Variants in GDAP2 observed in about 807,000 individuals in gnomAD.
GDAP2 encodes ganglioside induced differentiation associated protein 2.
Under a neutral mutation model 67.0 loss-of-function variants are expected in GDAP2, and 51 were observed. That is an observed-to-expected ratio of 0.76 (90% confidence interval 0.61 to 0.96). The LOEUF is 0.96. GDAP2 is among the 40% of genes least tolerant of loss of function. The pLI is 0.00. For missense variants in GDAP2, 547 were observed against 588.3 expected, an observed-to-expected ratio of 0.93 and a Z score of 0.73; for synonymous variants, 203 against 207.3, an observed-to-expected ratio of 0.98 and a Z score of 0.18.
At chr1:117,923,170 G>C (rs1027195695) in intron 1 of GDAP2, among the ~76,000 whole-genome samples, 1 of 152,154 alleles carries the variant, frequency 6.6e-6, no homozygotes, top group Non-Finnish European at 1.5e-5. Flanking sequence ...AAGGTGCCCA[G>C]ATTTCATATT....
chr1:117,899,055 A>C lies in GDAP2; in HGVS notation c.796+2T>G, dbSNP rs1159688877. 6.2e-7 allele frequency: 1 copy of C among 1,611,132 alleles called. No individual in the cohort carries two copies. The highest frequency in any genetic ancestry group is 8.5e-7 in the Non-Finnish European group (1 of 1,177,498). ...TTAAAAAGTTAGAGCTCTAGAACTC[A>C]CCTTCTGGAGCACCAGGTTTCTCAC... On this transcript the variant is annotated splice_donor_variant, in intron 7 of 13. Coordinates refer to ENST00000369443, the MANE Select transcript of GDAP2 (RefSeq NM_017686.4). LOFTEE classifies it high-confidence loss of function.
chr1:117,896,976 C>G lies in GDAP2; in HGVS notation c.810G>C (p.Glu270Asp). The change falls in exon 8 of 14, where the codon GAG becomes GAC. Residue 270 changes from glutamate to aspartate, a missense_variant. Transcript: ENST00000369443. ...KPGAPEDNQE[E>D]EDEGLGVDLS... is the part of the protein sequence containing the mutation. ...GATCAACTCCCAAGCCTTCATCCTC[C>G]TCTTCTTGGTTATCTGTAACAAAAA... 6.2e-7 allele frequency: 1 copy of G among 1,604,084 alleles called. No homozygotes were observed. The highest frequency in any genetic ancestry group is 8.5e-7 in the Non-Finnish European group (1 of 1,174,658).
At chr1:117,880,947 A>T (rs1189228844) in intron 12 of GDAP2, among the ~76,000 whole-genome samples, 1 of 152,220 alleles carries the variant, frequency 6.6e-6, no homozygotes. Context: ...AAATGTGTTC[A>T]TTAAGATGGA....
Position 117,883,934 on chromosome 1 carries a change from A to C in GDAP2, c.1108-307T>G, listed in dbSNP as rs371101204. ...AAACAATTCTTCATATACTGGAAAAAGTTCTTGGATCAACTACCAGGTTTT... is the reference window on the plus strand; with the variant it reads ...AAACAATTCTTCATATACTGGAAAACGTTCTTGGATCAACTACCAGGTTTT... On this transcript the variant is annotated intron_variant, in intron 10 of 13. Transcript: ENST00000369443. Among the ~76,000 whole-genome samples, 41 of 152,310 alleles carry C rather than the reference A, an allele frequency of 2.7e-4. No individual in the cohort carries two copies. In the East Asian group the frequency reaches 3.7e-3, roughly 14 times the overall value.
Position 117,896,826 on chromosome 1 carries a change from G to A in GDAP2, c.953+7C>T. 1.9e-6 allele frequency: 3 copies of A among 1,605,420 alleles called. No individual in the cohort carries two copies. The highest frequency in any genetic ancestry group is 1.7e-5 in the Admixed American group (1 of 59,090). The stretch of plus-strand genomic sequence containing the variant: ...ATGTATCTAACAGTCCTGAAGGGTT[G>A]TCTTACTTTCTTTGATGCTGCTTCT... On this transcript the variant is annotated splice_region_variant and intron_variant, in intron 8 of 13. Coordinates refer to ENST00000369443, the MANE Select transcript of GDAP2 (RefSeq NM_017686.4).
intron 9 of GDAP2, among the ~76,000 whole-genome samples, chr1:117,887,358 G>A (rs1252274442): frequency 1.3e-5 from 2 of 152,150 alleles, no homozygotes; most frequent in Non-Finnish European, 2.9e-5. Flanking sequence ...AATGCAGAAA[G>A]AGTGGGAATC....
intron 6 of GDAP2, among the ~76,000 whole-genome samples, chr1:117,900,592 C>T (rs1649417694): frequency 6.6e-6 from 1 of 151,936 alleles, no homozygotes; most frequent in Admixed American, 6.6e-5. Context: ...ATGGTGAAAC[C>T]CCGTCTCTAC....
At chr1:117,876,428 A>C (rs1002673241) in intron 13 of GDAP2, among the ~76,000 whole-genome samples, 1 of 152,154 alleles carries the variant, frequency 6.6e-6, no homozygotes, top group Non-Finnish European at 1.5e-5. Flanking sequence ...GAACCAAATA[A>C]ATCTATTCTT....
Position 117,863,608 on chromosome 1 carries a change from C to T in GDAP2, c.*6961G>A, listed in dbSNP as rs1384292528. 2.0e-5 allele frequency: 3 copies of T among 152,024 alleles called. No homozygotes were observed. Among genetic ancestry groups the T allele is most frequent in the African/African-American group, 7.2e-5 (3 of 41,384 alleles). 9.4% of individuals were successfully genotyped at this position (152,024 alleles called of 1,614,324 possible). ...TTTAAAAGGAAATTTAGCTATTTAC[C>T]CCTCTACAGAATCACTGATTTGACA... is the stretch of plus-strand genomic sequence containing the variant. On this transcript the variant is annotated 3_prime_UTR_variant, in exon 14 of 14. Transcript: ENST00000369443.
At chr1:117,898,995 T>C in intron 7 of GDAP2, 62 bp downstream of exon 7, 1 of 1,221,600 alleles carries the variant, frequency 8.2e-7, no homozygotes, top group Non-Finnish European at 1.2e-6. Context: ...ACTTCTTTGG[T>C]GATTGGTGCC....
intron 12 of GDAP2, among the ~76,000 whole-genome samples, chr1:117,880,623 G>A (rs1057187781): frequency 2.0e-5 from 3 of 152,202 alleles, no homozygotes; most frequent in Non-Finnish European, 4.4e-5. Flanking sequence ...CTGTTGAAGA[G>A]AGCTTCTTTA....
intron 5 of GDAP2, among the ~76,000 whole-genome samples, chr1:117,910,358 A>C (rs376790558): frequency 1.3e-5 from 2 of 152,244 alleles, no homozygotes; most frequent in South Asian, 2.1e-4. Context: ...TTCTTGAGCA[A>C]GTACCATATG....
At chr1:117,874,132 T>A (rs915860308) in intron 13 of GDAP2, among the ~76,000 whole-genome samples, 8 of 152,320 alleles carry the variant, frequency 5.3e-5, no homozygotes, top group Middle Eastern at 3.4e-3. Flanking sequence ...CCCTTCCACA[T>A]CATCTCCTGA....
In GDAP2 at chr1:117,918,477, T is replaced by A. The variant is rs535746093; in HGVS notation, c.316+120A>T. On this transcript the variant is annotated intron_variant, in intron 3 of 13. Coordinates refer to ENST00000369443, the MANE Select transcript of GDAP2 (RefSeq NM_017686.4). ...CTTTCAAAAGCAGTTTTTATTTAGTTTTAACAAAAGAAAAACAGCTACATC... is the reference window on the plus strand; with the variant it reads ...CTTTCAAAAGCAGTTTTTATTTAGTATTAACAAAAGAAAAACAGCTACATC... 2.1e-4 allele frequency: 144 copies of A among 692,506 alleles called. No individual in the cohort carries two copies. In the African/African-American group the frequency reaches 2.5e-3, roughly 12 times the overall value. 42.9% of individuals were successfully genotyped at this position (692,506 alleles called of 1,614,324 possible). A position where few individuals can be genotyped will look rare whatever the true frequency, so the allele number is the denominator to read the frequency against.
Position 117,912,650 on chromosome 1 carries a change from C to A in GDAP2, c.350G>T (p.Gly117Val), listed in dbSNP as rs1649900133. ...GATGAACCGGGCAGCTAGATTGAATCCTTTTGTCAATTTTGCTTCACCTGT... is the reference window on the plus strand; with the variant it reads ...GATGAACCGGGCAGCTAGATTGAATACTTTTGTCAATTTTGCTTCACCTGT... ...CRTGEAKLTK[G>V]FNLAARFIIH... Residue 117 changes from glycine to valine, a missense_variant, in exon 4 of 14, where the codon GGA (glycine) becomes GTA (valine). Gly to Val is a moderately radical substitution (Grantham distance 109). Coordinates refer to ENST00000369443, the MANE Select transcript of GDAP2 (RefSeq NM_017686.4). 1 of 1,613,464 alleles carries A rather than the reference C, an allele frequency of 6.2e-7. No homozygotes were observed. Among genetic ancestry groups the A allele is most frequent in the Non-Finnish European group, 8.5e-7 (1 of 1,179,612 alleles).
chr1:117,901,589 G>A (rs929274449), intron 6 of GDAP2, among the ~76,000 whole-genome samples: 3 of 152,168 alleles, frequency 2.0e-5, no homozygotes, highest in Non-Finnish European at 2.9e-5. Flanking sequence ...ATCCATAGTG[G>A]TTTTGACTTG....
chr1:117,871,293 C>G (rs936091626), intron 13 of GDAP2, among the ~76,000 whole-genome samples: 3 of 152,010 alleles, frequency 2.0e-5, no homozygotes, highest in Non-Finnish European at 4.4e-5. Flanking sequence ...CAAATTAGTG[C>G]AAGGGGGAAT....
At chr1:117,923,373 T>G (rs1012482738) in intron 1 of GDAP2, among the ~76,000 whole-genome samples, 1 of 152,224 alleles carries the variant, frequency 6.6e-6, no homozygotes, top group Non-Finnish European at 1.5e-5. Flanking sequence ...GTTCAGAGAC[T>G]GCAGTAAAGA....
chr1:117,919,869 T>C (rs1650182471), intron 2 of GDAP2, among the ~76,000 whole-genome samples: 3 of 151,748 alleles, frequency 2.0e-5, no homozygotes, highest in African/African-American at 7.3e-5. Context: ...AGATCAGTGG[T>C]TGCTTGGGGA....
Sources: gnomAD v4.1 joint callset for allele counts (sites outside exome capture counted in the v4.1 genomes callset) on GRCh38, gnomAD v4.1.1 for gene constraint, MANE v1.5 for transcripts, NCBI Gene and HGNC (gene_info 2026-07-23, HGNC 2026-07-21) for gene names.